PRKAR2B: variants seen among roughly 807,000 people sequenced by gnomAD.
PRKAR2B encodes cAMP-dependent protein kinase type II-beta regulatory subunit.
A neutral mutation model predicts 49.9 loss-of-function variants in PRKAR2B; 14 were observed. The ratio of observed to expected loss-of-function variants is 0.28; its 90% CI spans 0.19 to 0.44. The LOEUF (loss-of-function observed/expected upper bound fraction) is 0.44. Among genes scored for constraint, PRKAR2B ranks in the 20% least tolerant of loss-of-function variants. PRKAR2B has a pLI of 1.00. For missense variants in PRKAR2B, 393 were observed against 537.9 expected, an observed-to-expected ratio of 0.73 and a Z score of 2.67; for synonymous variants, 196 against 197.7, an observed-to-expected ratio of 0.99 and a Z score of 0.07.
intron 2 of PRKAR2B, chr7:107,078,105 G>A (rs1483428395): frequency 2.0e-5 from 3 of 151,586 alleles, no homozygotes; most frequent in African/African-American, 7.3e-5. Flanking sequence ...GGGAGGCCGA[G>A]GCGGAGGAAT....
At chr7:107,103,298 T>A (rs1253686399) in intron 2 of PRKAR2B, among the ~76,000 whole-genome samples, 8 of 152,196 alleles carry the variant, frequency 5.3e-5, no homozygotes, top group Non-Finnish European at 1.2e-4. Context: ...ATTAAAACAT[T>A]CACTTAAAAA....
chr7:107,067,291 G>T (rs1428610465), intron 1 of PRKAR2B: 1 of 152,186 alleles, frequency 6.6e-6, no homozygotes, highest in Non-Finnish European at 1.5e-5. Context: ...CCGTTAACTT[G>T]CTGAAAGTTT....
chr7:107,048,352 A>G (rs1355420709), intron 1 of PRKAR2B, among the ~76,000 whole-genome samples: 1 of 152,114 alleles, frequency 6.6e-6, no homozygotes, highest in Non-Finnish European at 1.5e-5. Flanking sequence ...GGGAGTTCTT[A>G]AATGGAATTT....
chr7:107,154,853 C>T (rs1214336447), intron 8 of PRKAR2B, among the ~76,000 whole-genome samples: 4 of 152,210 alleles, frequency 2.6e-5, no homozygotes, highest in Admixed American at 2.6e-4. Context: ...TAGAGCAACA[C>T]TTTTCTTTTA....
intron 1 of PRKAR2B, among the ~76,000 whole-genome samples, chr7:107,046,127 C>T (rs1793688000): frequency 1.3e-5 from 2 of 152,130 alleles, no homozygotes; most frequent in African/African-American, 4.8e-5. Flanking sequence ...CTTCTGCTTA[C>T]AACCCTCTTT....
At chr7:107,081,046 A>C (rs1298953093) in intron 2 of PRKAR2B, among the ~76,000 whole-genome samples, 2 of 152,158 alleles carry the variant, frequency 1.3e-5, no homozygotes, top group East Asian at 3.9e-4. Flanking sequence ...ATATTATTAG[A>C]CTGGATTTTT....
chr7:107,119,654 C>G (rs148270066), intron 2 of PRKAR2B, among the ~76,000 whole-genome samples: 29 of 152,308 alleles, frequency 1.9e-4, no homozygotes, highest in Non-Finnish European at 3.4e-4. Context: ...GCCTGATTCC[C>G]TGAAACATTC....
chr7:107,136,086 G>C (rs1427900971), intron 4 of PRKAR2B, among the ~76,000 whole-genome samples: 3 of 152,178 alleles, frequency 2.0e-5, no homozygotes, highest in Non-Finnish European at 2.9e-5. Flanking sequence ...ATGAAGTAAA[G>C]ATGGTCTTTT....
intron 2 of PRKAR2B, among the ~76,000 whole-genome samples, chr7:107,108,942 T>C (rs1178824298): frequency 1.3e-5 from 2 of 152,216 alleles, no homozygotes; most frequent in Non-Finnish European, 2.9e-5. Flanking sequence ...GCCAAATGAC[T>C]GCTCCATAGA....
In PRKAR2B at chr7:107,157,094, A is replaced by G. The variant is rs201380351; in HGVS notation, c.984+45A>G. ...AGAACCCACATACTGTTAGCAAGGA[A>G]CACAACAGATCTACTTTTTGATGTT... is the stretch of plus-strand genomic sequence containing the variant. On this transcript the variant is annotated intron_variant, in intron 9 of 10. Transcript: ENST00000265717. 5.0e-6 allele frequency: 8 copies of G among 1,607,902 alleles called. No individual in the cohort carries two copies. In the Admixed American group the frequency reaches 1.2e-4, roughly 24 times the overall value.
At chr7:107,064,940 C>A (rs1270734710) in intron 1 of PRKAR2B, among the ~76,000 whole-genome samples, 2 of 152,082 alleles carry the variant, frequency 1.3e-5, no homozygotes, top group African/African-American at 4.8e-5. Flanking sequence ...TGCTGTTGAC[C>A]TTTTAAAAAA....
At chr7:107,098,702 A>G (rs1218327840) in intron 2 of PRKAR2B, among the ~76,000 whole-genome samples, 2 of 152,128 alleles carry the variant, frequency 1.3e-5, no homozygotes, top group East Asian at 1.9e-4. Flanking sequence ...TTTGGTGTGG[A>G]TGTCCTTTCT....
rs766813854 is a variant in PRKAR2B at position 107,044,925 on chromosome 7, G to C, written c.18G>C (p.Pro6=). Residue 6 remains proline, a synonymous_variant, in exon 1 of 11, where the codon CCG becomes CCC. Coordinates refer to ENST00000265717, the MANE Select transcript of PRKAR2B (RefSeq NM_002736.3). The part of the protein sequence containing the change: MSIEI[P]AGLTELLQGF... ...GAGGCAGGATGAGCATCGAGATCCC[G>C]GCGGGACTGACGGAGCTGCTGCAGG... 1 of 1,599,054 alleles carries C rather than the reference G, an allele frequency of 6.3e-7. No homozygotes were observed. The highest frequency in any genetic ancestry group is 1.1e-5 in the South Asian group (1 of 89,002).
In PRKAR2B at chr7:107,044,858, C is replaced by G. The variant is rs781410003; in HGVS notation, c.-50C>G. On this transcript the variant is annotated 5_prime_UTR_variant, in exon 1 of 11. Transcript: ENST00000265717. ...GCAGCCGCGGGGCCCTAGGCCGTGCCGGGGAGGGGGCGAGGGCGGCGCCCA... is the reference window on the plus strand; with the variant it reads ...GCAGCCGCGGGGCCCTAGGCCGTGCGGGGGAGGGGGCGAGGGCGGCGCCCA... The G allele has an allele frequency of 1.3e-6, 2 of 1,507,624 alleles. No homozygotes were observed. Among genetic ancestry groups the G allele is most frequent in the Non-Finnish European group, 8.9e-7 (1 of 1,127,656 alleles). 93.4% of individuals were successfully genotyped at this position (1,507,624 alleles called of 1,614,324 possible).
At chr7:107,134,809 T>G (rs1451389559) in intron 4 of PRKAR2B, among the ~76,000 whole-genome samples, 1 of 152,116 alleles carries the variant, frequency 6.6e-6, no homozygotes, top group Non-Finnish European at 1.5e-5. Flanking sequence ...AAAGCTAGAC[T>G]CCTTTGCATA....
At position 107,105,560 on chromosome 7, in the gene PRKAR2B, A is replaced by G. The variant is rs570288959; in HGVS notation, c.344-16392A>G. On this transcript the variant is annotated intron_variant, in intron 2 of 10. Coordinates refer to ENST00000265717, the MANE Select transcript of PRKAR2B (RefSeq NM_002736.3). The stretch of plus-strand genomic sequence containing the variant: ...GAGAAGGCTGCTCCCTTGTCTAGTA[A>G]GAACTCAGTATCCTTGCCTGCTACA... Among the ~76,000 whole-genome samples the G allele has an allele frequency of 2.6e-5, 4 of 152,202 alleles. No individual in the cohort carries two copies. The South Asian group carries it at 8.3e-4, about 32-fold the overall frequency.
chr7:107,080,337 A>G (rs1039215477), intron 2 of PRKAR2B, among the ~76,000 whole-genome samples: 4 of 152,196 alleles, frequency 2.6e-5, no homozygotes, highest in African/African-American at 9.7e-5. Flanking sequence ...GAGAAAAGTC[A>G]GTAATGTTTT....
intron 2 of PRKAR2B, among the ~76,000 whole-genome samples, chr7:107,080,847 A>C (rs750707231): frequency 1.5e-4 from 23 of 152,298 alleles, no homozygotes; most frequent in Admixed American, 1.1e-3. Flanking sequence ...TGTGTTGGGC[A>C]CTGGGCTGGA....
intron 2 of PRKAR2B, among the ~76,000 whole-genome samples, chr7:107,089,235 C>G (rs1277990404): frequency 6.6e-6 from 1 of 152,098 alleles, no homozygotes; most frequent in Non-Finnish European, 1.5e-5. Context: ...TAATACTTAG[C>G]AATGTGTAAA....
Sources: allele counts gnomAD v4.1 joint callset (sites outside exome capture counted in the v4.1 genomes callset), GRCh38; gene constraint gnomAD v4.1.1; transcripts MANE v1.5; gene names NCBI Gene and HGNC (gene_info 2026-07-23, HGNC 2026-07-21).